Variants in AOAH observed in about 807,000 individuals in gnomAD.
The protein encoded by AOAH is acyloxyacyl hydrolase (neutrophil).
A neutral mutation model predicts 92.2 loss-of-function variants in AOAH; 64 were observed. The observed-to-expected ratio is 0.69, with a 90% CI of 0.57 to 0.86. The LOEUF is 0.86. Ranked by LOEUF, AOAH falls within the 40% of genes least tolerant of loss-of-function variation. The pLI is 0.00. For missense variants in AOAH, 656 were observed against 694.6 expected (o/e 0.94, Z 0.62); for synonymous variants, 263 against 254.5 (o/e 1.03, Z -0.32).
intron 13 of AOAH, among the ~76,000 whole-genome samples, chr7:36,564,030 C>T (rs920953935): frequency 5.9e-5 from 9 of 152,158 alleles, no homozygotes; most frequent in South Asian, 2.1e-4. Context: ...AATAGCCTTC[C>T]CACAGTAGCT....
intron 1 of AOAH, among the ~76,000 whole-genome samples, chr7:36,717,246 A>G (rs1401093791): frequency 1.3e-5 from 2 of 152,132 alleles, no homozygotes; most frequent in African/African-American, 4.8e-5. Context: ...TGTAGGCTCA[A>G]TAGCTCAGTA....
intron 6 of AOAH, among the ~76,000 whole-genome samples, chr7:36,626,345 G>T (rs1792662527): frequency 1.3e-5 from 2 of 152,182 alleles, no homozygotes; most frequent in African/African-American, 4.8e-5. Context: ...CTTGAAAGAA[G>T]GAACAAAGAG....
At chr7:36,689,327 T>C (rs1797245165) in intron 1 of AOAH, among the ~76,000 whole-genome samples, 1 of 152,214 alleles carries the variant, frequency 6.6e-6, no homozygotes. Flanking sequence ...CATGCAGCTA[T>C]AACAAAATAC....
At chr7:36,572,420 G>A (rs1400925838) in intron 13 of AOAH, among the ~76,000 whole-genome samples, 2 of 152,062 alleles carry the variant, frequency 1.3e-5, no homozygotes, top group African/African-American at 2.4e-5. Flanking sequence ...GGACTTGGGA[G>A]GCTAAGGTGG....
intron 6 of AOAH, among the ~76,000 whole-genome samples, chr7:36,629,552 T>A (rs1029666107): frequency 2.6e-5 from 4 of 152,206 alleles, no homozygotes; most frequent in Admixed American, 6.5e-5. Flanking sequence ...CCTGATGCTC[T>A]CTGGATTCAT....
chr7:36,564,297 C>A (rs962510257), intron 13 of AOAH, among the ~76,000 whole-genome samples: 3 of 152,200 alleles, frequency 2.0e-5, no homozygotes, highest in African/African-American at 7.2e-5. Flanking sequence ...CTCAACTTGC[C>A]TTTATTTCAC....
At chr7:36,696,851 C>G (rs1448309654) in intron 1 of AOAH, among the ~76,000 whole-genome samples, 1 of 144,028 alleles carries the variant, frequency 6.9e-6, no homozygotes, top group African/African-American at 2.6e-5. Flanking sequence ...GACTACAGAG[C>G]GAGGCTACGT....
At chr7:36,677,733 C>T (rs577760927) in intron 2 of AOAH, among the ~76,000 whole-genome samples, 27 of 152,186 alleles carry the variant, frequency 1.8e-4, no homozygotes, top group African/African-American at 6.0e-4. Context: ...GATCAACAAA[C>T]GTGGTATACC....
chr7:36,698,943 C>T (rs573684886), intron 1 of AOAH, among the ~76,000 whole-genome samples: 10 of 151,928 alleles, frequency 6.6e-5, no homozygotes, highest in Non-Finnish European at 1.3e-4. Flanking sequence ...CATTAATCAA[C>T]CTCTCCTCAT....
intron 4 of AOAH, among the ~76,000 whole-genome samples, chr7:36,656,877 T>TGGG (rs143587332): frequency 4.8e-5 from 6 of 126,310 alleles, no homozygotes; most frequent in South Asian, 2.6e-4. Context: ...CAAAGAGGTT[T>TGGG]GGTGGGGGGT....
Position 36,549,456 on chromosome 7 carries a change from C to T in AOAH, c.1041G>A (p.Leu347=), listed in dbSNP as rs564896421. 5 of 1,597,122 alleles carry T rather than the reference C, an allele frequency of 3.1e-6. 1 individual carries two copies. The highest frequency in any genetic ancestry group is 2.7e-5 in the African/African-American group (2 of 74,602). ...CTGCTTACCTTTCTATAAATTTCTT[C>T]AGGTTTCGGGAAGATGCACCTGAAT... ...ISRNGASSRN[L]KKFIESLSRN... Residue 347 remains leucine (L), a synonymous_variant, in exon 14 of 21, where the codon CTG becomes CTA. Coordinates refer to ENST00000617537, the MANE Select transcript of AOAH (RefSeq NM_001637.4).
At chr7:36,664,133 T>C (rs975567621) in intron 3 of AOAH, among the ~76,000 whole-genome samples, 1 of 152,144 alleles carries the variant, frequency 6.6e-6, no homozygotes, top group Non-Finnish European at 1.5e-5. Flanking sequence ...TTATTAAATA[T>C]ATACTTTGCA....
chr7:36,608,283 C>T (rs1791151362), intron 11 of AOAH, among the ~76,000 whole-genome samples: 1 of 152,240 alleles, frequency 6.6e-6, no homozygotes. Flanking sequence ...AGCTGAGCCC[C>T]ACTGTCCCTC....
rs533053537 is a variant in AOAH at position 36,542,155 on chromosome 7, C to T, written c.1134-1664G>A. Reference sequence around the variant, plus strand: ...GAAGAGGAGAGGACACACAGACATACACCAGGAGGAAGGCCATGTGAAGAC... The same window carrying T: ...GAAGAGGAGAGGACACACAGACATATACCAGGAGGAAGGCCATGTGAAGAC... On this transcript the variant is annotated intron_variant, in intron 15 of 20. Transcript: ENST00000617537. Among the ~76,000 whole-genome samples, 3 of 152,258 alleles carry T rather than the reference C, an allele frequency of 2.0e-5. No homozygotes were observed. The South Asian group carries it at 6.2e-4, about 32-fold the overall frequency.
In AOAH at chr7:36,532,197, A is replaced by G; in HGVS notation, c.1375T>C (p.Cys459Arg). ...TTGTTGGAAGACATCCAGCCGTGGCAGGGGCTGACCTGAGAGCGGGAAAAC... is the reference window on the plus strand; with the variant it reads ...TTGTTGGAAGACATCCAGCCGTGGCGGGGGCTGACCTGAGAGCGGGAAAAC... ...SFLNCLQVSP[C>R]HGWMSSNKTL... is the part of the protein sequence containing the mutation. The change falls in exon 18 of 21, where the codon TGC (cysteine) becomes CGC (arginine). Residue 459 changes from cysteine to arginine, a missense_variant. Physicochemically the swap from Cys to Arg is radical, Grantham distance 180 (BLOSUM62 -3). Transcript: ENST00000617537. The G allele has an allele frequency of 6.2e-7, 1 of 1,614,234 alleles. No homozygotes were observed. Among genetic ancestry groups the G allele is most frequent in the East Asian group, 2.2e-5 (1 of 44,886 alleles).
intron 11 of AOAH, among the ~76,000 whole-genome samples, chr7:36,602,379 C>T (rs940210509): frequency 4.6e-5 from 7 of 151,464 alleles, no homozygotes; most frequent in South Asian, 2.1e-4. Flanking sequence ...CTCTCACTGC[C>T]GCATACCAAA....
At chr7:36,523,603 T>G (rs1389407382) in intron 19 of AOAH, among the ~76,000 whole-genome samples, 2 of 151,136 alleles carry the variant, frequency 1.3e-5, no homozygotes, top group African/African-American at 4.9e-5. Context: ...TGGCTCAGTC[T>G]TCAGTTTGCC....
intron 1 of AOAH, among the ~76,000 whole-genome samples, chr7:36,687,220 T>TC (rs1384290108): frequency 6.6e-6 from 1 of 152,176 alleles, no homozygotes; most frequent in Non-Finnish European, 1.5e-5. Flanking sequence ...GAACCTGGTT[T>TC]CCTCCTTGAG....
chr7:36,657,293 T>C (rs930338686), intron 4 of AOAH, among the ~76,000 whole-genome samples: 3 of 152,132 alleles, frequency 2.0e-5, no homozygotes, highest in African/African-American at 7.2e-5. Flanking sequence ...TTCTGTTCTT[T>C]CCTCGGGAAG....
Sources: gnomAD v4.1 joint callset for allele counts (sites outside exome capture counted in the v4.1 genomes callset) on GRCh38, gnomAD v4.1.1 for gene constraint, MANE v1.5 for transcripts, NCBI Gene and HGNC (gene_info 2026-07-23, HGNC 2026-07-21) for gene names.